ADAMTS3: variants seen among roughly 807,000 people sequenced by gnomAD.
ADAMTS3 encodes the protein ADAM metallopeptidase with thrombospondin type 1 motif 3.
In ADAMTS3, 73 loss-of-function variants were observed where a neutral mutation model predicts 129.0. The ratio of observed to expected loss-of-function variants is 0.57; its 90% confidence interval spans 0.47 to 0.69. The LOEUF (loss-of-function observed/expected upper bound fraction) is 0.69. Ranked by LOEUF, ADAMTS3 falls within the 30% of genes least tolerant of loss-of-function variation. The pLI, the probability that ADAMTS3 is intolerant of heterozygous loss-of-function variation, is 0.00. For missense variants in ADAMTS3, 1,457 were observed against 1,514.5 expected (o/e 0.96, Z 0.63); for synonymous variants, 477 against 510.8 (o/e 0.93, Z 0.89).
At chr4:72,481,351 C>T (rs1004403874) in intron 3 of ADAMTS3, among the ~76,000 whole-genome samples, 1 of 152,104 alleles carries the variant, frequency 6.6e-6, no homozygotes, top group Non-Finnish European at 1.5e-5. Context: ...GGGATAAATA[C>T]ATAGCCCAAT....
chr4:72,541,394 G>C (rs565211309), intron 3 of ADAMTS3, among the ~76,000 whole-genome samples: 20 of 152,334 alleles, frequency 1.3e-4, no homozygotes, highest in African/African-American at 4.6e-4. Context: ...AGGTGGAAGG[G>C]ACTTGCCCTG....
At chr4:72,454,040 G>A (rs1398707412) in intron 3 of ADAMTS3, among the ~76,000 whole-genome samples, 5 of 151,212 alleles carry the variant, frequency 3.3e-5, no homozygotes, top group African/African-American at 9.7e-5. Context: ...TTCTGAACCT[G>A]TATAATAAAG....
chr4:72,451,918 G>A (rs1424296088), intron 3 of ADAMTS3, among the ~76,000 whole-genome samples: 1 of 151,500 alleles, frequency 6.6e-6, no homozygotes, highest in Non-Finnish European at 1.5e-5. Context: ...GCAACATAAT[G>A]AGACCCCCTT....
chr4:72,553,617 C>G (rs1578791398), intron 2 of ADAMTS3, among the ~76,000 whole-genome samples: 1 of 152,284 alleles, frequency 6.6e-6, no homozygotes, highest in East Asian at 1.9e-4. Context: ...CCTTCACTCA[C>G]CCTTCCCTGG....
rs545814105 is a variant in ADAMTS3, at chr4:72,374,199, C to CT, written c.662-34507dup. Among the ~76,000 whole-genome samples, 9 of 151,482 alleles carry CT rather than the reference C, an allele frequency of 5.9e-5. No individual in the cohort carries two copies. In the East Asian group the frequency reaches 1.7e-3, roughly 29 times the overall value. On this transcript the variant is annotated intron_variant, in intron 4 of 21. Coordinates refer to ENST00000286657, the MANE Select transcript of ADAMTS3 (RefSeq NM_014243.3). ...ACACACTTTGTAACTCATTCTATAG[C>CT]TTTTTTTTCATTGTGACATTAAAAA...
intron 6 of ADAMTS3, among the ~76,000 whole-genome samples, chr4:72,322,512 C>T (rs1431980232): frequency 6.6e-6 from 1 of 152,110 alleles, no homozygotes; most frequent in Admixed American, 6.5e-5. Context: ...TCACTCTGCA[C>T]CTTCCTCTTA....
intron 13 of ADAMTS3, among the ~76,000 whole-genome samples, chr4:72,311,767 A>T (rs1281645680): frequency 1.3e-5 from 2 of 152,192 alleles, no homozygotes; most frequent in Non-Finnish European, 2.9e-5. Flanking sequence ...TATGGCAAAA[A>T]GTTGCCATTG....
At chr4:72,396,258 C>T (rs1219544712) in intron 4 of ADAMTS3, among the ~76,000 whole-genome samples, 6 of 152,084 alleles carry the variant, frequency 3.9e-5, no homozygotes, top group African/African-American at 1.4e-4. Flanking sequence ...AAGGAAAAAG[C>T]AAATGTAACA....
intron 3 of ADAMTS3, among the ~76,000 whole-genome samples, chr4:72,518,186 A>T (rs1346789718): frequency 6.6e-6 from 1 of 152,040 alleles, no homozygotes; most frequent in Admixed American, 6.6e-5. Flanking sequence ...GTTTGATTGC[A>T]CTGTGGTCTG....
intron 3 of ADAMTS3, among the ~76,000 whole-genome samples, chr4:72,503,729 T>G (rs1255805031): frequency 6.6e-6 from 1 of 152,220 alleles, no homozygotes; most frequent in Non-Finnish European, 1.5e-5. Flanking sequence ...ATTGTGTGAC[T>G]GTCTACATTT....
chr4:72,310,283 C>A (rs1203680288), intron 14 of ADAMTS3, among the ~76,000 whole-genome samples: 1 of 152,048 alleles, frequency 6.6e-6, no homozygotes, highest in African/African-American at 2.4e-5. Context: ...TACACTACTG[C>A]ACTCAAAAGT....
At chr4:72,332,159 C>T (rs971662380) in intron 5 of ADAMTS3, among the ~76,000 whole-genome samples, 7 of 152,142 alleles carry the variant, frequency 4.6e-5, no homozygotes, top group East Asian at 1.9e-4. Context: ...ACATGATATG[C>T]TAAGGTTGCA....
intron 4 of ADAMTS3, among the ~76,000 whole-genome samples, chr4:72,392,132 C>A (rs1409537164): frequency 6.6e-6 from 1 of 152,152 alleles, no homozygotes; most frequent in Non-Finnish European, 1.5e-5. Flanking sequence ...ACCCCTTAGA[C>A]CTCACTGCTA....
intron 4 of ADAMTS3, among the ~76,000 whole-genome samples, chr4:72,394,554 A>T (rs901804686): frequency 6.6e-6 from 1 of 152,222 alleles, no homozygotes; most frequent in South Asian, 2.1e-4. Context: ...TGGCTGAGAT[A>T]ATGAAGATCT....
chr4:72,548,421 G>T, intron 3 of ADAMTS3, 57 bp downstream of exon 3: 1 of 1,555,760 alleles, frequency 6.4e-7, no homozygotes, highest in Non-Finnish European at 8.8e-7. Context: ...CTATGCAGAA[G>T]CCATGGCTGC....
At chr4:72,486,800 C>CAGA (rs1479502942) in intron 3 of ADAMTS3, among the ~76,000 whole-genome samples, 4 of 152,136 alleles carry the variant, frequency 2.6e-5, no homozygotes, top group Non-Finnish European at 5.9e-5. Context: ...CCAGCATGGA[C>CAGA]AGAATACTGC....
rs141847104 is a variant in ADAMTS3 at position 72,541,305 on chromosome 4, G to C, written c.504+7173C>G. Reference sequence around the variant, plus strand: ...TGTTTTGGCCAGTTTCTCCCACTTGGAATGGGTGTATTTACCCAATGCCTG... The same window carrying C: ...TGTTTTGGCCAGTTTCTCCCACTTGCAATGGGTGTATTTACCCAATGCCTG... On this transcript the variant is annotated intron_variant, in intron 3 of 21. Transcript: ENST00000286657. Among the ~76,000 whole-genome samples the C allele has an allele frequency of 1.7e-3, 265 of 152,318 alleles. 1 individual carries two copies. The highest frequency in any genetic ancestry group is 6.1e-3 in the African/African-American group (255 of 41,574).
At chr4:72,483,620 C>G (rs1175817384) in intron 3 of ADAMTS3, among the ~76,000 whole-genome samples, 2 of 152,152 alleles carry the variant, frequency 1.3e-5, no homozygotes, top group African/African-American at 2.4e-5. Context: ...CAGTGGCTCT[C>G]AGAGAGGTTT....
At chr4:72,320,622 G>A in intron 7 of ADAMTS3, 92 bp downstream of exon 7, 1 of 1,329,062 alleles carries the variant, frequency 7.5e-7, no homozygotes, top group Non-Finnish European at 1.0e-6. Flanking sequence ...AGCAGTGGTG[G>A]AGAGCAGAAC....
Sources: gnomAD v4.1 joint callset for allele counts (sites outside exome capture counted in the v4.1 genomes callset) on GRCh38, gnomAD v4.1.1 for gene constraint, MANE v1.5 for transcripts, NCBI Gene and HGNC (gene_info 2026-07-23, HGNC 2026-07-21) for gene names.